Variants in SDK1 observed in about 807,000 individuals in gnomAD.
The protein encoded by SDK1 is sidekick cell adhesion molecule 1.
Under a neutral mutation model 245.5 loss-of-function variants are expected in SDK1, and 157 were observed. The observed-to-expected ratio is 0.64, with a 90% CI of 0.56 to 0.73. SDK1 has a LOEUF of 0.73. SDK1 is among the 30% of genes least tolerant of loss of function. The pLI is 0.00. For synonymous variants in SDK1, 1,647 were observed against 1,278.5 expected, an observed-to-expected ratio of 1.29 and a Z score of -6.15; for missense variants, 3,583 against 3,002.3, an observed-to-expected ratio of 1.19 and a Z score of -4.52.
chr7:3,340,614 AT>A (rs1780321473), intron 1 of SDK1, among the ~76,000 whole-genome samples: 1 of 151,876 alleles, frequency 6.6e-6, no homozygotes, highest in Non-Finnish European at 1.5e-5. Flanking sequence ...TACCAAAAAA[AT>A]AGCGGGGCAT....
At chr7:3,904,953 A>T (rs1781913265) in intron 5 of SDK1, among the ~76,000 whole-genome samples, 1 of 151,408 alleles carries the variant, frequency 6.6e-6, no homozygotes, top group Non-Finnish European at 1.5e-5. Context: ...AGATCGCGCC[A>T]CTGCACTCCA....
intron 1 of SDK1, among the ~76,000 whole-genome samples, chr7:3,594,569 G>A (rs543254763): frequency 1.3e-5 from 2 of 152,236 alleles, no homozygotes; most frequent in South Asian, 4.2e-4. Flanking sequence ...ATGTATGAGG[G>A]TTCTGATTTC....
At chr7:4,224,236 T>A (rs762081254) in intron 40 of SDK1, among the ~76,000 whole-genome samples, 7 of 152,220 alleles carry the variant, frequency 4.6e-5, no homozygotes, top group Admixed American at 1.3e-4. Context: ...AAAAGTTTAG[T>A]TGGCTCACAG....
intron 1 of SDK1, among the ~76,000 whole-genome samples, chr7:3,340,153 A>G (rs1275201518): frequency 1.3e-5 from 2 of 152,006 alleles, no homozygotes; most frequent in Non-Finnish European, 2.9e-5. Flanking sequence ...CTAAAACTTA[A>G]TAAAACTCAA....
In SDK1 at chr7:4,268,791, A is replaced by G. The variant is rs754902996; in HGVS notation, c.*3407A>G. On this transcript the variant is annotated 3_prime_UTR_variant, in exon 45 of 45. Coordinates refer to ENST00000404826, the MANE Select transcript of SDK1 (RefSeq NM_152744.4). ...AAAGGTGAGGACAACGTGGAAACTC[A>G]TGAGCTGAGCCTGCCCGCTGGGACA... 14 of 1,337,920 alleles carry G rather than the reference A, an allele frequency of 1.0e-5. No homozygotes were observed. In the South Asian group the frequency reaches 1.6e-4, roughly 15 times the overall value. 82.9% of individuals were successfully genotyped at this position (1,337,920 alleles called of 1,614,324 possible). A position where few individuals can be genotyped will look rare whatever the true frequency, so the allele number is the denominator to read the frequency against.
chr7:4,172,048 G>C (rs1781874948), intron 32 of SDK1, among the ~76,000 whole-genome samples: 1 of 152,210 alleles, frequency 6.6e-6, no homozygotes, highest in Non-Finnish European at 1.5e-5. Flanking sequence ...TAAGGGTGTG[G>C]GTTTGCAGGG....
intron 1 of SDK1, among the ~76,000 whole-genome samples, chr7:3,563,764 T>A (rs1160682256): frequency 6.6e-6 from 1 of 152,192 alleles, no homozygotes; most frequent in African/African-American, 2.4e-5. Flanking sequence ...TAAGCTCGTT[T>A]GGAGTGATTA....
chr7:3,939,509 T>G (rs1780278831), intron 5 of SDK1, among the ~76,000 whole-genome samples: 1 of 152,170 alleles, frequency 6.6e-6, no homozygotes, highest in Non-Finnish European at 1.5e-5. Flanking sequence ...TGTATTTCAG[T>G]TTCCACAATA....
intron 5 of SDK1, among the ~76,000 whole-genome samples, chr7:3,874,168 G>C (rs1245114903): frequency 6.6e-6 from 1 of 152,190 alleles, no homozygotes; most frequent in Non-Finnish European, 1.5e-5. Context: ...TAGGTTTAAA[G>C]TTTATCATTG....
At chr7:3,907,183 A>G (rs1778981032) in intron 5 of SDK1, among the ~76,000 whole-genome samples, 1 of 152,206 alleles carries the variant, frequency 6.6e-6, no homozygotes, top group South Asian at 2.1e-4. Context: ...CATGCAACTT[A>G]GTAGCATTAA....
At chr7:3,821,047 T>C (rs1449971379) in intron 4 of SDK1, among the ~76,000 whole-genome samples, 1 of 152,208 alleles carries the variant, frequency 6.6e-6, no homozygotes, top group East Asian at 1.9e-4. Flanking sequence ...AAACCACAAC[T>C]AATTCACTTG....
chr7:4,095,013 C>T (rs771317266), intron 22 of SDK1, among the ~76,000 whole-genome samples: 9 of 152,320 alleles, frequency 5.9e-5, no homozygotes, highest in East Asian at 5.8e-4. Context: ...CAGAAAAGAA[C>T]GTTAGCTCTG....
chr7:3,776,893 C>G (rs187899870), intron 4 of SDK1, among the ~76,000 whole-genome samples: 50 of 152,184 alleles, frequency 3.3e-4, no homozygotes, highest in Non-Finnish European at 6.0e-4. Flanking sequence ...TCAAAATCTC[C>G]ATGGTAACAT....
intron 44 of SDK1, among the ~76,000 whole-genome samples, chr7:4,250,208 C>T (rs764403058): frequency 6.6e-6 from 1 of 152,228 alleles, no homozygotes; most frequent in East Asian, 1.9e-4. Flanking sequence ...ATTTGAACCA[C>T]TTTTACGAAG....
At chr7:3,687,457 A>C (rs1373300053) in intron 4 of SDK1, among the ~76,000 whole-genome samples, 3 of 152,078 alleles carry the variant, frequency 2.0e-5, no homozygotes, top group Non-Finnish European at 4.4e-5. Context: ...ATCACCCCAA[A>C]CTGAAAACAT....
intron 4 of SDK1, among the ~76,000 whole-genome samples, chr7:3,648,542 T>G (rs1782917926): frequency 6.6e-6 from 1 of 152,240 alleles, no homozygotes; most frequent in Non-Finnish European, 1.5e-5. Context: ...GATTCATAAT[T>G]GTCCATGCTT....
At chr7:3,732,573 C>T (rs554290058) in intron 4 of SDK1, among the ~76,000 whole-genome samples, 4 of 152,250 alleles carry the variant, frequency 2.6e-5, no homozygotes, top group Non-Finnish European at 5.9e-5. Flanking sequence ...CACTTTTGTT[C>T]TCTTACTGGC....
chr7:3,850,067 T>G (rs1305090981), intron 5 of SDK1, among the ~76,000 whole-genome samples: 1 of 152,216 alleles, frequency 6.6e-6, no homozygotes, highest in Non-Finnish European at 1.5e-5. Context: ...TTGGAGGATG[T>G]AGGCTTCTAT....
intron 1 of SDK1, among the ~76,000 whole-genome samples, chr7:3,543,964 G>A (rs557143209): frequency 1.3e-5 from 2 of 152,302 alleles, no homozygotes; most frequent in Non-Finnish European, 2.9e-5. Flanking sequence ...ATTTCTCTAT[G>A]CATAGATTAT....
Sources: allele counts gnomAD v4.1 joint callset (sites outside exome capture counted in the v4.1 genomes callset), GRCh38; gene constraint gnomAD v4.1.1; transcripts MANE v1.5; gene names NCBI Gene and HGNC (gene_info 2026-07-23, HGNC 2026-07-21).